The following MIDEAS variants were observed in gnomAD, a reference collection of about 807,000 sequenced individuals.
MIDEAS encodes mitotic deacetylase-associated SANT domain protein.
A neutral mutation model predicts 102.7 loss-of-function variants in MIDEAS; 26 were observed. The ratio of observed to expected loss-of-function variants is 0.25; its 90% CI spans 0.19 to 0.35. The LOEUF (loss-of-function observed/expected upper bound fraction) is 0.35. Ranked by LOEUF, MIDEAS falls within the 10% of genes least tolerant of loss-of-function variation. The pLI is 1.00. For missense variants in MIDEAS, 1,231 were observed against 1,435.6 expected (o/e 0.86, Z 2.30); for synonymous variants, 585 against 591.0 (o/e 0.99, Z 0.15).
At chr14:73,734,404 TTTTTTG>T (rs1356178493) in intron 3 of MIDEAS, among the ~76,000 whole-genome samples, 1 of 151,900 alleles carries the variant, frequency 6.6e-6, no homozygotes, top group Non-Finnish European at 1.5e-5. Context: ...AGGGTTTGGG[TTTTTTG>T]TTTTTGTTTT....
intron 1 of MIDEAS, among the ~76,000 whole-genome samples, chr14:73,755,916 T>C (rs2053474016): frequency 6.6e-6 from 1 of 152,200 alleles, no homozygotes; most frequent in African/African-American, 2.4e-5. Flanking sequence ...GTATGTGTCA[T>C]TCACTCTGCA....
At position 73,717,438 on chromosome 14, in the gene MIDEAS, C is replaced by T. The variant is rs1293440638; in HGVS notation, c.*1405G>A. 2.6e-5 allele frequency: 4 copies of T among 152,276 alleles called. No homozygotes were observed. Among genetic ancestry groups the T allele is most frequent in the African/African-American group, 9.6e-5 (4 of 41,464 alleles). The allele number at this position is 152,276 out of a possible 1,614,324, so 9.4% of individuals were successfully genotyped here. The stretch of plus-strand genomic sequence containing the variant: ...AACTAGAATTCTGGCCTCTTGCCAA[C>T]TCTTCCCTCAGGCAAAGCACAGCCA... On this transcript the variant is annotated 3_prime_UTR_variant, in exon 13 of 13. Transcript: ENST00000423556.
At chr14:73,789,094 C>T (rs914680572), upstream of MIDEAS, 1 of 152,196 alleles carries the variant, frequency 6.6e-6, no homozygotes, top group African/African-American at 2.4e-5. Context: ...GATGCGCCCC[C>T]TGCCAATGAT....
Position 73,729,932 on chromosome 14 carries a change from C to G in MIDEAS, c.1803G>C (p.Lys601Asn). 1 of 1,606,070 alleles carries G rather than the reference C, an allele frequency of 6.2e-7. No homozygotes were observed. Among genetic ancestry groups the G allele is most frequent in the Non-Finnish European group, 8.5e-7 (1 of 1,174,364 alleles). ...TGAGGGGCTCGGGCCTGGGCCGCTG[C>G]TTTGGTTTCCGCACGGAAGGCTCCC... is the stretch of plus-strand genomic sequence containing the variant. ...LEGEPSVRKP[K>N]QRPRPEPLII... The change falls in exon 4 of 13, where the codon AAG (lysine) becomes AAC (asparagine). Residue 601 changes from lysine to asparagine, a missense_variant. Around this residue, in one of 5 missense-constraint regions of MIDEAS, gnomAD observed 758 missense variants for 856.0 expected, o/e 0.89. Transcript: ENST00000423556.
At chr14:73,776,943 TGCCTGTAGTCCCAG>T (rs1017603012) in intron 1 of MIDEAS, among the ~76,000 whole-genome samples, 4 of 151,214 alleles carry the variant, frequency 2.6e-5, no homozygotes, top group African/African-American at 9.7e-5. Context: ...TGGTGGCGGG[TGCCTGTAGTCCCAG>T]CTACTCGGGA....
At chr14:73,767,814 T>A (rs766659878) in intron 1 of MIDEAS, among the ~76,000 whole-genome samples, 2 of 151,986 alleles carry the variant, frequency 1.3e-5, no homozygotes, top group Non-Finnish European at 2.9e-5. Context: ...TCCTCTAATT[T>A]TCTGGATGAC....
intron 10 of MIDEAS, 44 bp downstream of exon 10, chr14:73,722,648 TCCCAGA>T (rs1692048504): frequency 6.3e-7 from 1 of 1,599,362 alleles, no homozygotes; most frequent in African/African-American, 1.3e-5. Flanking sequence ...TCAGGCCTGG[TCCCAGA>T]CCCAGCCCAG....
In MIDEAS at chr14:73,729,998, A is replaced by C. The variant is rs1201982194; in HGVS notation, c.1750-13T>G. ...TCATGTCCTCTGCCTGGAGAAGGAA[A>C]GAAAACAAGGACGGCTCAGCCCCCC... is the stretch of plus-strand genomic sequence containing the variant. On this transcript the variant is annotated splice_polypyrimidine_tract_variant and intron_variant, in intron 3 of 12. Coordinates refer to ENST00000423556, the MANE Select transcript of MIDEAS (RefSeq NM_001367710.1). 5.0e-6 allele frequency: 8 copies of C among 1,603,656 alleles called. No individual in the cohort carries two copies. The highest frequency in any genetic ancestry group is 6.0e-6 in the Non-Finnish European group (7 of 1,173,046).
At chr14:73,740,662 C>T (rs765037776) in intron 1 of MIDEAS, among the ~76,000 whole-genome samples, 13 of 152,254 alleles carry the variant, frequency 8.5e-5, no homozygotes, top group Non-Finnish European at 1.6e-4. Flanking sequence ...TCTCCTCTTA[C>T]CCAGGCCCTA....
At chr14:73,746,894 A>G (rs1223995138) in intron 1 of MIDEAS, among the ~76,000 whole-genome samples, 2 of 152,190 alleles carry the variant, frequency 1.3e-5, no homozygotes, top group African/African-American at 4.8e-5. Context: ...CAGGAGACAC[A>G]GAGCTTCCAG....
upstream of MIDEAS, among the ~76,000 whole-genome samples, chr14:73,789,447 C>T (rs1270133251): frequency 1.3e-5 from 2 of 152,210 alleles, no homozygotes; most frequent in Non-Finnish European, 2.9e-5. Context: ...CCCCAGCCAA[C>T]AGCTGAAGGG....
Position 73,738,791 on chromosome 14 carries a change from C to T in MIDEAS, c.1218G>A (p.Glu406=), listed in dbSNP as rs749630141. The change falls in exon 2 of 13, where the codon GAG becomes GAA. Residue 406 remains glutamate (E), a synonymous_variant. Transcript: ENST00000423556. The part of the protein sequence containing the change: ...EALGFPLELR[E]SQLLPDGERL... ...TCTCCCCATCAGGCAGTAGCTGCGACTCCCTCAGCTCCAGCGGGAATCCCA... is the reference window on the plus strand; with the variant it reads ...TCTCCCCATCAGGCAGTAGCTGCGATTCCCTCAGCTCCAGCGGGAATCCCA... 3.2e-5 allele frequency: 51 copies of T among 1,577,114 alleles called. No individual in the cohort carries two copies. The highest frequency in any genetic ancestry group is 4.4e-5 in the Non-Finnish European group (51 of 1,160,922).
At chr14:73,734,430 A>AG (rs2053177278) in intron 3 of MIDEAS, among the ~76,000 whole-genome samples, 1 of 151,116 alleles carries the variant, frequency 6.6e-6, no homozygotes, top group South Asian at 2.1e-4. Context: ...TGTTTTGAAA[A>AG]GGGGTCTCAC....
In MIDEAS at chr14:73,770,346, GTGATGATGATGATGACGA is replaced by G. The variant is rs1358819579; in HGVS notation, c.-248+16738_-248+16755del. On this transcript the variant is annotated intron_variant, in intron 1 of 11. Transcript: ENST00000394071. Reference sequence around the variant, plus strand: ...GATGATTTATATAACAGTAACGACGGTGATGATGATGATGACGATGATGATGATGATGATGATGGTGAT... The same window carrying G: ...GATGATTTATATAACAGTAACGACGGTGATGATGATGATGATGATGGTGAT... 4.8e-5 allele frequency among the ~76,000 whole-genome samples: 7 copies of G among 144,708 alleles called. No homozygotes were observed. The Admixed American group carries it at 5.1e-4, about 11-fold the overall frequency. The allele number at this position is 144,708 out of a possible 152,430, so 94.9% of individuals were successfully genotyped here.
At chr14:73,727,106 T>G (rs1442694254) in intron 5 of MIDEAS, 134 bp from the exon 6 acceptor site, 1 of 1,165,842 alleles carries the variant, frequency 8.6e-7, no homozygotes, top group Non-Finnish European at 1.2e-6. Context: ...GAGTCTGGCT[T>G]CTAGGGGCTT....
At chr14:73,733,207 C>T (rs1311781071) in intron 3 of MIDEAS, among the ~76,000 whole-genome samples, 2 of 152,226 alleles carry the variant, frequency 1.3e-5, no homozygotes, top group Non-Finnish European at 2.9e-5. Context: ...TACTCACTTT[C>T]ATTCAGAATA....
At chr14:73,722,500 C>T (rs1297030001) in intron 10 of MIDEAS, 198 bp downstream of exon 10, 5 of 491,020 alleles carry the variant, frequency 1.0e-5, no homozygotes, top group Non-Finnish European at 1.8e-5. Context: ...TGTATCAACA[C>T]AATGTATTAT....
At position 73,739,791 on chromosome 14, in the gene MIDEAS, A is replaced by G. The variant is rs1435057846; in HGVS notation, c.218T>C (p.Leu73Pro). The change falls in exon 2 of 13, where the codon CTG becomes CCG. Residue 73 changes from leucine to proline, a missense_variant. Physicochemically the swap from Leu to Pro is moderately conservative, Grantham distance 98. Transcript: ENST00000423556. ...CTCAGGCCCATATACCACAGAGTTC[A>G]GCAGGGCCAGGCTGCTAGGAGGGGG... is the stretch of plus-strand genomic sequence containing the variant. ...ELPPPSSLAL[L>P]NSVVYGPERT... 1.1e-5 allele frequency: 18 copies of G among 1,613,654 alleles called. No individual in the cohort carries two copies. The highest frequency in any genetic ancestry group is 6.7e-5 in the African/African-American group (5 of 75,068).
chr14:73,762,399 C>G (rs567837846), upstream of MIDEAS, among the ~76,000 whole-genome samples: 1 of 152,228 alleles, frequency 6.6e-6, no homozygotes, highest in African/African-American at 2.4e-5. Context: ...CCTGAAGGAG[C>G]CTTGCTCACC....
Sources: allele counts gnomAD v4.1 joint callset (sites outside exome capture counted in the v4.1 genomes callset), GRCh38; gene constraint gnomAD v4.1.1; regional missense constraint gnomAD v4.1.1; transcripts MANE v1.5; gene names NCBI Gene and HGNC (gene_info 2026-07-23, HGNC 2026-07-21).